The following PTPRT variants were observed in gnomAD, a reference collection of about 807,000 sequenced individuals.
The protein encoded by PTPRT is protein tyrosine phosphatase receptor type T.
Under a neutral mutation model 176.8 loss-of-function variants are expected in PTPRT, and 56 were observed. The ratio of observed to expected loss-of-function variants is 0.32; its 90% confidence interval spans 0.26 to 0.40. The LOEUF is 0.40. Among genes scored for constraint, PTPRT ranks in the 10% least tolerant of loss-of-function variants. PTPRT has a pLI of 1.00. For missense variants in PTPRT, 1,540 were observed against 1,908.2 expected, an observed-to-expected ratio of 0.81 and a Z score of 3.60; for synonymous variants, 783 against 739.0, an observed-to-expected ratio of 1.06 and a Z score of -0.96.
At chr20:42,873,051 T>C (rs1178785558) in intron 2 of PTPRT, among the ~76,000 whole-genome samples, 1 of 152,168 alleles carries the variant, frequency 6.6e-6, no homozygotes, top group African/African-American at 2.4e-5. Flanking sequence ...GGTAGCTCTG[T>C]TGTTAATATG....
chr20:42,032,768 C>G, the PTPRT span, among the ~76,000 whole-genome samples: 2 of 152,286 alleles, frequency 1.3e-5, no homozygotes, highest in Middle Eastern at 3.4e-3. Context: ...TTCTCTCTCT[C>G]TCTCTCTCCC....
intron 6 of PTPRT, among the ~76,000 whole-genome samples, chr20:42,678,661 T>C (rs2075550532): frequency 6.6e-6 from 1 of 152,226 alleles, no homozygotes; most frequent in South Asian, 2.1e-4. Flanking sequence ...TGTAAGTACC[T>C]GAATCAGTAT....
At chr20:42,925,549 A>G (rs1979424824) in intron 1 of PTPRT, among the ~76,000 whole-genome samples, 1 of 152,234 alleles carries the variant, frequency 6.6e-6, no homozygotes, top group African/African-American at 2.4e-5. Flanking sequence ...TTCAATGCTC[A>G]TGGATGCCCT....
At chr20:42,368,422 C>T (rs1276690631) in intron 9 of PTPRT, among the ~76,000 whole-genome samples, 1 of 152,092 alleles carries the variant, frequency 6.6e-6, no homozygotes, top group Admixed American at 6.5e-5. Flanking sequence ...GCTTTAGCAT[C>T]CCAGGGACCC....
At chr20:42,382,989 C>A (rs1033958755) in intron 9 of PTPRT, among the ~76,000 whole-genome samples, 1 of 152,162 alleles carries the variant, frequency 6.6e-6, no homozygotes, top group Non-Finnish European at 1.5e-5. Context: ...GGTTTACATC[C>A]TACCTCTCCT....
chr20:43,015,274 T>C (rs901911156), intron 1 of PTPRT, among the ~76,000 whole-genome samples: 6 of 152,190 alleles, frequency 3.9e-5, no homozygotes, highest in Non-Finnish European at 7.3e-5. Context: ...ATGTACTCTC[T>C]CCTCCTTGCT....
intron 7 of PTPRT, among the ~76,000 whole-genome samples, chr20:42,575,733 AC>A (rs1395832976): frequency 6.6e-6 from 1 of 152,028 alleles, no homozygotes; most frequent in Non-Finnish European, 1.5e-5. Context: ...CTGCTTGCCA[AC>A]CCCTGATGTA....
chr20:42,446,170 T>C (rs1432549402), intron 9 of PTPRT, among the ~76,000 whole-genome samples: 1 of 152,158 alleles, frequency 6.6e-6, no homozygotes, highest in Non-Finnish European at 1.5e-5. Context: ...CCTACAGTAG[T>C]AGTTTCCAAA....
intron 7 of PTPRT, among the ~76,000 whole-genome samples, chr20:42,656,951 T>G (rs2075135320): frequency 6.6e-6 from 1 of 152,126 alleles, no homozygotes; most frequent in Non-Finnish European, 1.5e-5. Flanking sequence ...GTGATATGGT[T>G]TGGCTGTGTC....
chr20:42,159,799 CAT>C (rs1989511489), intron 17 of PTPRT, among the ~76,000 whole-genome samples: 1 of 152,150 alleles, frequency 6.6e-6, no homozygotes, highest in African/African-American at 2.4e-5. Context: ...TTTACACTCT[CAT>C]AAAGTTTTAG....
At chr20:42,617,425 C>T (rs1252397929) in intron 7 of PTPRT, among the ~76,000 whole-genome samples, 1 of 132,322 alleles carries the variant, frequency 7.6e-6, no homozygotes, top group East Asian at 2.0e-4. Context: ...CTCTGCCCGG[C>T]TTTGGTATCA....
chr20:42,512,882 A>G (rs1335333239), intron 7 of PTPRT, among the ~76,000 whole-genome samples: 1 of 151,982 alleles, frequency 6.6e-6, no homozygotes, highest in Admixed American at 6.6e-5. Context: ...TTTTTGAGAC[A>G]GAGTTTCGCT....
At chr20:42,426,801 G>C (rs1156380414) in intron 9 of PTPRT, among the ~76,000 whole-genome samples, 1 of 152,186 alleles carries the variant, frequency 6.6e-6, no homozygotes, top group African/African-American at 2.4e-5. Context: ...GTCCTGCAAG[G>C]GGGGTCAGGG....
chr20:42,240,678 CCATGCATT>C (rs1317433773), intron 14 of PTPRT, among the ~76,000 whole-genome samples: 1 of 143,738 alleles, frequency 7.0e-6, no homozygotes, highest in African/African-American at 2.6e-5. Flanking sequence ...ATGAACCTAT[CCATGCATT>C]CATGCATGCA....
At chr20:42,737,524 G>A (rs1048137080) in intron 6 of PTPRT, among the ~76,000 whole-genome samples, 9 of 151,998 alleles carry the variant, frequency 5.9e-5, no homozygotes, top group East Asian at 1.9e-4. Context: ...CCAGCTACTC[G>A]GGAGGCTGAG....
chr20:42,848,961 T>G (rs2078425062), intron 2 of PTPRT, among the ~76,000 whole-genome samples: 1 of 152,244 alleles, frequency 6.6e-6, no homozygotes, highest in Non-Finnish European at 1.5e-5. Flanking sequence ...TAGATTTAAG[T>G]CCTTGTTCCA....
chr20:42,165,631 T>C (rs1400482715), intron 16 of PTPRT, among the ~76,000 whole-genome samples: 1 of 152,242 alleles, frequency 6.6e-6, no homozygotes, highest in Non-Finnish European at 1.5e-5. Flanking sequence ...TGGTGGCCAC[T>C]AATCACATGT....
chr20:42,351,660 T>G (rs1222518956), intron 10 of PTPRT, among the ~76,000 whole-genome samples: 1 of 149,882 alleles, frequency 6.7e-6, no homozygotes, highest in East Asian at 2.0e-4. Context: ...TCTGTAATTT[T>G]GGACTACTGT....
chr20:42,252,378 G>A lies in PTPRT; in HGVS notation c.2177-3556C>T, dbSNP rs576530667. On this transcript the variant is annotated intron_variant, in intron 13 of 30. Coordinates refer to ENST00000373187, the MANE Select transcript of PTPRT (RefSeq NM_007050.6). Reference sequence around the variant, plus strand: ...TACACAGATGGTATTTGAAGCGTGGGGGCCTGTTGGTGAAATCACCCTGGG... The same window carrying A: ...TACACAGATGGTATTTGAAGCGTGGAGGCCTGTTGGTGAAATCACCCTGGG... 8.9e-4 allele frequency among the ~76,000 whole-genome samples: 135 copies of A among 152,254 alleles called. 1 individual carries two copies. Among genetic ancestry groups the A allele is most frequent in the African/African-American group, 3.1e-3 (129 of 41,550 alleles).
Sources: gnomAD v4.1 joint callset for allele counts (sites outside exome capture counted in the v4.1 genomes callset) on GRCh38, gnomAD v4.1.1 for gene constraint, MANE v1.5 for transcripts, NCBI Gene and HGNC (gene_info 2026-07-23, HGNC 2026-07-21) for gene names.